PPIC: variants seen among roughly 807,000 people sequenced by gnomAD.
The protein encoded by PPIC is peptidylprolyl isomerase C, also known as peptidyl-prolyl cis-trans isomerase C.
In PPIC, 19 loss-of-function variants were observed where a neutral mutation model predicts 19.5. The ratio of observed to expected loss-of-function variants is 0.98; its 90% CI spans 0.68 to 1.43. PPIC has a LOEUF of 1.43. Among genes scored for constraint, PPIC ranks in the 40% most tolerant of loss-of-function variants. PPIC has a pLI of 0.00. For missense variants in PPIC, 268 were observed against 268.6 expected (o/e 1.00, Z 0.02); for synonymous variants, 107 against 101.2 (o/e 1.06, Z -0.34).
chr5:123,034,363 G>A (rs531806571), intron 1 of PPIC, among the ~76,000 whole-genome samples: 8 of 152,262 alleles, frequency 5.3e-5, no homozygotes, highest in African/African-American at 1.9e-4. Flanking sequence ...TGAGAGTAGG[G>A]TGCATGCAAA....
Position 123,025,771 on chromosome 5 carries a change from T to G in PPIC, c.510+13A>C. ...ATATAAAGCTTTGAAAGGAAAAAAA[T>G]GTATCAATTTACCATCCCATCAATG... On this transcript the variant is annotated intron_variant, in intron 4 of 4. Coordinates refer to ENST00000306442, the MANE Select transcript of PPIC (RefSeq NM_000943.5). 1 of 1,607,582 alleles carries G rather than the reference T, an allele frequency of 6.2e-7. No individual in the cohort carries two copies. Among genetic ancestry groups the G allele is most frequent in the East Asian group, 2.2e-5 (1 of 44,820 alleles).
intron 3 of PPIC, among the ~76,000 whole-genome samples, chr5:123,026,260 C>T (rs971844883): frequency 1.6e-4 from 25 of 152,176 alleles, no homozygotes; most frequent in African/African-American, 5.8e-4. Context: ...TCCATGACTT[C>T]GCTCTGAAGT....
intron 3 of PPIC, among the ~76,000 whole-genome samples, chr5:123,026,208 C>T (rs41527147): frequency 0.12 from 18,832 of 152,144 alleles, 1,449 homozygotes; most frequent in East Asian, 0.34. Context: ...TAGTGGGATA[C>T]TCTCTGGCCT....
chr5:123,034,074 C>G (rs1762973375), intron 1 of PPIC, among the ~76,000 whole-genome samples: 1 of 152,226 alleles, frequency 6.6e-6, no homozygotes, highest in African/African-American at 2.4e-5. Flanking sequence ...TCACACCTCT[C>G]TTATTTACAG....
intron 3 of PPIC, among the ~76,000 whole-genome samples, chr5:123,026,595 C>T (rs959774799): frequency 3.3e-5 from 5 of 152,218 alleles, no homozygotes; most frequent in African/African-American, 1.2e-4. Flanking sequence ...TTTCTTGCCT[C>T]AGCACCAAGA....
At chr5:123,029,563 AG>A in intron 1 of PPIC, 145 bp from the exon 2 acceptor site, 1 of 1,378,944 alleles carries the variant, frequency 7.3e-7, no homozygotes, top group Non-Finnish European at 9.4e-7. Flanking sequence ...CATCAATTAA[AG>A]GTACTTTAAA....
At chr5:123,029,029 T>C in intron 2 of PPIC, 161 bp from the exon 3 acceptor site, 1 of 830,316 alleles carries the variant, frequency 1.2e-6, no homozygotes, top group Non-Finnish European at 1.8e-6. Context: ...TATCATTAGC[T>C]GACCAAAAAA....
rs568220009 is a variant in PPIC at position 123,023,635 on chromosome 5, A to T, written c.*240T>A. The T allele has an allele frequency of 5.0e-6, 2 of 401,854 alleles. No individual in the cohort carries two copies. The highest frequency in any genetic ancestry group is 7.8e-6 in the Non-Finnish European group (2 of 255,738). 24.9% of individuals were successfully genotyped at this position (401,854 alleles called of 1,614,324 possible). ...TCAAAGTTTTTTTTAGTTTTAAAATAGCACCACTTGAGGAAGGGGATATAT... is the reference window on the plus strand; with the variant it reads ...TCAAAGTTTTTTTTAGTTTTAAAATTGCACCACTTGAGGAAGGGGATATAT... On this transcript the variant is annotated 3_prime_UTR_variant, in exon 5 of 5. Transcript: ENST00000306442.
In PPIC at chr5:123,036,599, TAGC is replaced by T. The variant is rs757935117; in HGVS notation, c.24_26del (p.Leu9del). The T allele has an allele frequency of 1.6e-5, 25 of 1,594,760 alleles. 2 individuals carry two copies. The South Asian group carries it at 2.7e-4, about 17-fold the overall frequency. On this transcript the variant is annotated inframe_deletion, in exon 1 of 5. Coordinates refer to ENST00000306442, the MANE Select transcript of PPIC (RefSeq NM_000943.5). The surrounding 1 kb of genome is among the most constrained non-coding windows in gnomAD (Gnocchi z 4.5). ...CGAGCCCCACGCAAAGCACGAGAGG[TAGC>T]AGCAGCCGAGGACCCGGGCCCATGG...
In PPIC at chr5:123,023,838, C is replaced by A. The variant is rs146229593; in HGVS notation, c.*37G>T. 3.1e-6 allele frequency: 4 copies of A among 1,311,194 alleles called. No individual in the cohort carries two copies. Among genetic ancestry groups the A allele is most frequent in the South Asian group, 2.5e-5 (2 of 79,960 alleles). The allele number at this position is 1,311,194 out of a possible 1,614,324, so 81.2% of individuals were successfully genotyped here. A position where few individuals can be genotyped will look rare whatever the true frequency, so the allele number is the denominator to read the frequency against. On this transcript the variant is annotated 3_prime_UTR_variant, in exon 5 of 5. Coordinates refer to ENST00000306442, the MANE Select transcript of PPIC (RefSeq NM_000943.5). ...CACACACACACACACACACACACAC[C>A]CCTGCCAAAGCATATCCTTGTTTTC...
At chr5:123,024,555 C>T (rs1762823865) in intron 4 of PPIC, among the ~76,000 whole-genome samples, 1 of 152,170 alleles carries the variant, frequency 6.6e-6, no homozygotes, top group Non-Finnish European at 1.5e-5. Flanking sequence ...TGTGAAGGCA[C>T]CTTTCTCTAC....
Position 123,029,402 on chromosome 5 carries a change from C to T in PPIC, c.134G>A (p.Arg45Lys). The change falls in exon 2 of 5, where the codon AGG becomes AAG. Residue 45 changes from arginine (R) to lysine (K), a missense_variant. Physicochemically the swap from Arg to Lys is conservative, Grantham distance 26. Transcript: ENST00000306442. ...SVTAKVFFDV[R>K]IGDKDVGRIV... ...TCTGCCAACATCTTTGTCTCCAATCCTCACATCAAAGAAGACCTGTGTGCA... is the reference window on the plus strand; with the variant it reads ...TCTGCCAACATCTTTGTCTCCAATCTTCACATCAAAGAAGACCTGTGTGCA... 1 of 1,603,604 alleles carries T rather than the reference C, an allele frequency of 6.2e-7. No homozygotes were observed. Among genetic ancestry groups the T allele is most frequent in the Non-Finnish European group, 8.5e-7 (1 of 1,173,922 alleles).
chr5:123,033,604 A>G (rs2150190746), intron 1 of PPIC, among the ~76,000 whole-genome samples: 1 of 152,338 alleles, frequency 6.6e-6, no homozygotes, highest in African/African-American at 2.4e-5. Flanking sequence ...TTCTTCATAA[A>G]TTGCCCAGCC....
intron 1 of PPIC, among the ~76,000 whole-genome samples, chr5:123,033,971 A>G (rs934816189): frequency 6.6e-6 from 1 of 152,244 alleles, no homozygotes; most frequent in Non-Finnish European, 1.5e-5. Flanking sequence ...CTGAGCCTCT[A>G]TGGCTGGGGC....
At chr5:123,031,268 T>C (rs2150190208) in intron 1 of PPIC, among the ~76,000 whole-genome samples, 1 of 152,186 alleles carries the variant, frequency 6.6e-6, no homozygotes, top group African/African-American at 2.4e-5. Context: ...CAGTTTAAAA[T>C]AAAGAGATAG....
At chr5:123,024,703 TTAGA>T (rs1188538717) in intron 4 of PPIC, among the ~76,000 whole-genome samples, 1 of 152,216 alleles carries the variant, frequency 6.6e-6, no homozygotes, top group Admixed American at 6.5e-5. Context: ...CAAACTTGTG[TTAGA>T]TAGAATCAGA....
intron 4 of PPIC, among the ~76,000 whole-genome samples, chr5:123,025,481 T>G (rs1762837828): frequency 6.6e-6 from 1 of 152,220 alleles, no homozygotes; most frequent in Non-Finnish European, 1.5e-5. Context: ...TGAATAATAT[T>G]CCATTGTGTG....
At chr5:123,033,054 G>A (rs913586780) in intron 1 of PPIC, among the ~76,000 whole-genome samples, 6 of 152,144 alleles carry the variant, frequency 3.9e-5, no homozygotes, top group Non-Finnish European at 7.3e-5. Flanking sequence ...CATGAGCTGC[G>A]ATGTGGAAGA....
Position 123,029,339 on chromosome 5 carries a change from G to A in PPIC, c.197C>T (p.Thr66Ile), listed in dbSNP as rs766912663. 131 of 1,613,126 alleles carry A rather than the reference G, an allele frequency of 8.1e-5. No individual in the cohort carries two copies. In the East Asian group the frequency reaches 2.7e-3, roughly 34 times the overall value. Residue 66 changes from threonine (T) to isoleucine (I), a missense_variant, in exon 2 of 5, where the codon ACA becomes ATA. Thr to Ile is a moderately conservative substitution (Grantham distance 89, BLOSUM62 -1). Transcript: ENST00000306442. ...IGLFGKVVPK[T>I]VENFVALATG... ...TGCTAGAGCAACAAAATTTTCCACT[G>A]TCTTGGGCACAACTTTTCCAAAGAG...
Sources: gnomAD v4.1 joint callset for allele counts (sites outside exome capture counted in the v4.1 genomes callset) on GRCh38, gnomAD v4.1.1 for gene constraint, Gnocchi (gnomAD v3.1) non-coding constraint, MANE v1.5 for transcripts, NCBI Gene and HGNC (gene_info 2026-07-23, HGNC 2026-07-21) for gene names.